The following BMF variants were observed in gnomAD, a reference collection of about 807,000 sequenced individuals.
BMF encodes the protein bcl-2-modifying factor.
Under a neutral mutation model 22.0 loss-of-function variants are expected in BMF, and 10 were observed. That is an observed-to-expected ratio of 0.45 (90% CI 0.28 to 0.77). The LOEUF is 0.77. Ranked by LOEUF, BMF falls within the 30% of genes least tolerant of loss-of-function variation. BMF has a pLI of 0.13. For synonymous variants in BMF, 87 were observed against 88.1 expected (o/e 0.99, Z 0.07); for missense variants, 206 against 226.8 (o/e 0.91, Z 0.59).
chr15:40,092,378 A>C (rs1403887800), intron 4 of BMF, among the ~76,000 whole-genome samples: 1 of 152,128 alleles, frequency 6.6e-6, no homozygotes, highest in Non-Finnish European at 1.5e-5. Context: ...CAAAGGGTTA[A>C]TCTTCAATTT....
At chr15:40,099,156 C>T (rs1292310915) in intron 4 of BMF, among the ~76,000 whole-genome samples, 2 of 152,220 alleles carry the variant, frequency 1.3e-5, no homozygotes, top group Admixed American at 1.3e-4. Flanking sequence ...CCCATCTAGA[C>T]GCTGAGCAAC....
rs2036181840 is a variant in BMF at position 40,088,892 on chromosome 15, T to A, written c.*2895A>T. The A allele has an allele frequency of 1.3e-5, 2 of 152,542 alleles. No homozygotes were observed. Among genetic ancestry groups the A allele is most frequent in the Non-Finnish European group, 2.9e-5 (2 of 68,078 alleles). The allele number at this position is 152,542 out of a possible 1,614,324, so 9.4% of individuals were successfully genotyped here. The stretch of plus-strand genomic sequence containing the variant: ...CCACCCTCATTGCAGGAGTCCAGCG[T>A]CTGGCCTGGGGACTTCCCTCACCAG... On this transcript the variant is annotated 3_prime_UTR_variant, in exon 5 of 5. Transcript: ENST00000354670.
intron 4 of BMF, among the ~76,000 whole-genome samples, chr15:40,102,416 CAAAAAAAA>C (rs71132141): frequency 1.1e-3 from 102 of 95,812 alleles, no homozygotes; most frequent in African/African-American, 3.5e-3. Context: ...GCGAAAGAGC[CAAAAAAAA>C]AAAAAAAAAA....
intron 4 of BMF, among the ~76,000 whole-genome samples, chr15:40,099,293 A>G (rs2036427102): frequency 6.6e-6 from 1 of 152,262 alleles, no homozygotes; most frequent in Non-Finnish European, 1.5e-5. Flanking sequence ...CTGCTAGTTA[A>G]TAAACCATGC....
At chr15:40,095,874 G>C (rs1371952706) in intron 4 of BMF, among the ~76,000 whole-genome samples, 1 of 152,176 alleles carries the variant, frequency 6.6e-6, no homozygotes, top group Non-Finnish European at 1.5e-5. Flanking sequence ...CACGGACAGG[G>C]GATGAAGGCA....
chr15:40,092,453 T>TCACACACA lies in BMF; in HGVS notation c.454-573_454-566dup, dbSNP rs34626523. On this transcript the variant is annotated intron_variant, in intron 4 of 4. Transcript: ENST00000354670. The stretch of plus-strand genomic sequence containing the variant: ...AGTGCAAACACGCACACACACAGAC[T>TCACACACA]CACACACACACACACACACACACCC... Among the ~76,000 whole-genome samples, 4 of 148,608 alleles carry TCACACACA rather than the reference T, an allele frequency of 2.7e-5. No individual in the cohort carries two copies. In the East Asian group the frequency reaches 5.9e-4, roughly 22 times the overall value.
In BMF at chr15:40,091,758, G is replaced by T. The variant is rs770304991; in HGVS notation, c.*29C>A. ...CTTCCTGTTCCAGACGGTGTTCCTG[G>T]TGCCCCATGTGAAGAGGGCAGCCCA... is the stretch of plus-strand genomic sequence containing the variant. On this transcript the variant is annotated 3_prime_UTR_variant, in exon 5 of 5. Coordinates refer to ENST00000354670, the MANE Select transcript of BMF (RefSeq NM_001003940.2). 1.3e-6 allele frequency: 2 copies of T among 1,507,224 alleles called. No individual in the cohort carries two copies. The highest frequency in any genetic ancestry group is 1.8e-6 in the Non-Finnish European group (2 of 1,094,018). The allele number at this position is 1,507,224 out of a possible 1,614,324, so 93.4% of individuals were successfully genotyped here. A position where few individuals can be genotyped will look rare whatever the true frequency, so the allele number is the denominator to read the frequency against.
At chr15:40,105,634 G>C (rs1264019176) in intron 3 of BMF, among the ~76,000 whole-genome samples, 161 bp downstream of exon 3, 1 of 152,214 alleles carries the variant, frequency 6.6e-6, no homozygotes, top group Non-Finnish European at 1.5e-5. Context: ...CACAGGTGAG[G>C]AGCAATAACA....
chr15:40,101,095 G>A (rs552294492), intron 4 of BMF, among the ~76,000 whole-genome samples: 2 of 152,296 alleles, frequency 1.3e-5, no homozygotes, highest in Non-Finnish European at 2.9e-5. Flanking sequence ...AAATCGATAA[G>A]GCCAAGGTCC....
intron 4 of BMF, among the ~76,000 whole-genome samples, chr15:40,097,481 T>C (rs1357426086): frequency 6.6e-6 from 1 of 152,232 alleles, no homozygotes; most frequent in Non-Finnish European, 1.5e-5. Flanking sequence ...AAATGTGTGC[T>C]TCCTTGTACC....
At chr15:40,098,461 G>T (rs1197290864) in intron 4 of BMF, among the ~76,000 whole-genome samples, 2 of 150,034 alleles carry the variant, frequency 1.3e-5, no homozygotes, top group Admixed American at 1.3e-4. Context: ...AGAAGGGAGA[G>T]GGAGGGGGTT....
intron 4 of BMF, among the ~76,000 whole-genome samples, chr15:40,094,685 CAAGG>C (rs1202587644): frequency 6.6e-6 from 1 of 152,188 alleles, no homozygotes; most frequent in Non-Finnish European, 1.5e-5. Context: ...GTCAGAATTT[CAAGG>C]AAGGGTCCCA....
intron 4 of BMF, among the ~76,000 whole-genome samples, 167 bp from the exon 5 acceptor site, chr15:40,092,055 C>T (rs1004637650): frequency 7.9e-5 from 12 of 152,150 alleles, no homozygotes; most frequent in Admixed American, 5.2e-4. Context: ...GAGACACTGC[C>T]ATGTGGAGGA....
intron 4 of BMF, among the ~76,000 whole-genome samples, chr15:40,094,910 T>G (rs1284986175): frequency 2.0e-5 from 3 of 152,230 alleles, no homozygotes; most frequent in Non-Finnish European, 4.4e-5. Flanking sequence ...TTCGATCTCT[T>G]TCCACCAAAG....
At chr15:40,103,387 G>C (rs150736909) in intron 4 of BMF, among the ~76,000 whole-genome samples, 1 of 152,362 alleles carries the variant, frequency 6.6e-6, no homozygotes, top group African/African-American at 2.4e-5. Context: ...GAAGAGGAAG[G>C]GTTAAGTGCC....
chr15:40,092,180 CAG>C lies in BMF; in HGVS notation c.454-294_454-293del, dbSNP rs2036248937. ...TTTTTCCCCTGCTTGCAGGATTTTCCAGAGTTTAGCCAAGTGCTGCTTTTAAT... is the reference window on the plus strand; with the variant it reads ...TTTTTCCCCTGCTTGCAGGATTTTCCAGTTTAGCCAAGTGCTGCTTTTAAT... On this transcript the variant is annotated intron_variant, in intron 4 of 4. Coordinates refer to ENST00000354670, the MANE Select transcript of BMF (RefSeq NM_001003940.2). Among the ~76,000 whole-genome samples the C allele has an allele frequency of 3.3e-5, 5 of 152,158 alleles. No homozygotes were observed. In the South Asian group the frequency reaches 1.0e-3, roughly 32 times the overall value.
At chr15:40,092,008 C>A (rs566399392) in intron 4 of BMF, 120 bp from the exon 5 acceptor site, 4 of 734,590 alleles carry the variant, frequency 5.4e-6, no homozygotes, top group African/African-American at 5.3e-5. Context: ...TTAATCCTAT[C>A]AGTACAGCTC....
intron 4 of BMF, among the ~76,000 whole-genome samples, chr15:40,097,608 T>G (rs1195826803): frequency 2.6e-5 from 4 of 152,202 alleles, no homozygotes; most frequent in Non-Finnish European, 5.9e-5. Context: ...GACTTGGACA[T>G]GTTACCTCAC....
intron 4 of BMF, among the ~76,000 whole-genome samples, chr15:40,097,216 C>T (rs62018157): frequency 3.0e-4 from 1 of 3,320 alleles, no homozygotes; most frequent in East Asian, 9.6e-3. Context: ...ACCAAGCACC[C>T]AACTGAGCTA....
Sources: allele counts gnomAD v4.1 joint callset (sites outside exome capture counted in the v4.1 genomes callset), GRCh38; gene constraint gnomAD v4.1.1; transcripts MANE v1.5; gene names NCBI Gene and HGNC (gene_info 2026-07-23, HGNC 2026-07-21).